TRPM1: variants seen among roughly 807,000 people sequenced by gnomAD.
TRPM1 encodes transient receptor potential cation channel subfamily M member 1.
TRPM1 carries 113 observed loss-of-function variants against 149.4 expected under a neutral mutation model. The ratio of observed to expected loss-of-function variants is 0.76; its 90% CI spans 0.65 to 0.88. The LOEUF (loss-of-function observed/expected upper bound fraction) is 0.88, where lower values mean the gene tolerates loss of function less well. Among genes scored for constraint, TRPM1 ranks in the 40% least tolerant of loss-of-function variants. The probability of loss-of-function intolerance (pLI) is 0.00; values close to 1 mark genes in which losing one functional copy is unlikely to be tolerated. For missense variants in TRPM1, 1,976 were observed against 2,038.7 expected (o/e 0.97, Z 0.59); for synonymous variants, 741 against 759.5 (o/e 0.98, Z 0.40).
chr15:31,102,961 G>A (rs2035545164), upstream of TRPM1, among the ~76,000 whole-genome samples: 3 of 152,166 alleles, frequency 2.0e-5, no homozygotes, highest in African/African-American at 7.2e-5. Context: ...GAACCCTTCC[G>A]GGGGCTGAGG....
intron 1 of TRPM1, among the ~76,000 whole-genome samples, chr15:31,126,131 C>G (rs2035949061): frequency 6.6e-6 from 1 of 151,812 alleles, no homozygotes; most frequent in Non-Finnish European, 1.5e-5. Context: ...AACTTCGTCT[C>G]AAAAAACAAA....
Position 31,002,701 on chromosome 15 carries a change from G to A in TRPM1, c.3999C>T (p.Asp1333=), listed in dbSNP as rs377308236. 3.1e-6 allele frequency: 5 copies of A among 1,614,130 alleles called. No individual in the cohort carries two copies. The African/African-American group carries it at 5.3e-5, about 17-fold the overall frequency. Residue 1333 remains aspartate (D), a synonymous_variant, in exon 28 of 28, where the codon GAC becomes GAT. Coordinates refer to ENST00000256552, the MANE Select transcript of TRPM1 (RefSeq NM_001252024.2). ...ATTCTGGGACTAGGTGCGTTTTCAC[G>A]TCCTTCTCTTCCTTTATACGGAAGG... ...TCSFRIKEEK[D]VKTHLVPECQ... is the part of the protein sequence containing the mutation.
intron 27 of TRPM1, among the ~76,000 whole-genome samples, chr15:31,003,568 A>G (rs1476683545): frequency 6.6e-6 from 1 of 152,224 alleles, no homozygotes; most frequent in Non-Finnish European, 1.5e-5. Flanking sequence ...TAGTAATAAC[A>G]GAAGCTACTA....
intron 1 of TRPM1, among the ~76,000 whole-genome samples, chr15:31,139,345 AC>A (rs1158385662): frequency 6.6e-6 from 1 of 152,208 alleles, no homozygotes; most frequent in African/African-American, 2.4e-5. Flanking sequence ...TGCCTAGATA[AC>A]AACTGTTTAG....
At chr15:31,018,878 A>T (rs1016517728) in intron 27 of TRPM1, among the ~76,000 whole-genome samples, 1 of 151,900 alleles carries the variant, frequency 6.6e-6, no homozygotes, top group Admixed American at 6.6e-5. Flanking sequence ...CTGATCTCGA[A>T]CTCCTGGCCC....
intron 1 of TRPM1, among the ~76,000 whole-genome samples, chr15:31,150,179 T>A (rs895526962): frequency 2.0e-5 from 3 of 152,218 alleles, no homozygotes; most frequent in Non-Finnish European, 4.4e-5. Flanking sequence ...AAGGGTTTCT[T>A]CTATAGGTGA....
chr15:31,061,398 G>C (rs1380420394), intron 10 of TRPM1, 44 bp downstream of exon 10: 1 of 1,588,796 alleles, frequency 6.3e-7, no homozygotes, highest in East Asian at 2.2e-5. Context: ...TGCCGGCTAG[G>C]CCAACATCAG....
chr15:31,136,866 G>A (rs1484135625), intron 1 of TRPM1, among the ~76,000 whole-genome samples: 1 of 151,320 alleles, frequency 6.6e-6, no homozygotes, highest in Non-Finnish European at 1.5e-5. Flanking sequence ...AGCCAACTGA[G>A]GTATTTAAAC....
chr15:31,030,459 G>A (rs2033014819), intron 23 of TRPM1, among the ~76,000 whole-genome samples: 1 of 152,184 alleles, frequency 6.6e-6, no homozygotes. Context: ...CCAGAAATCT[G>A]TGCAGGATCA....
intron 26 of TRPM1, 180 bp from the exon 27 acceptor site, chr15:31,026,451 A>G: frequency 1.3e-6 from 1 of 775,608 alleles, no homozygotes; most frequent in Non-Finnish European, 2.1e-6. Flanking sequence ...CCAACCCTCT[A>G]TCAGTTGGAG....
chr15:31,027,589 C>T (rs1426022578), intron 25 of TRPM1, among the ~76,000 whole-genome samples: 7 of 152,134 alleles, frequency 4.6e-5, no homozygotes, highest in Non-Finnish European at 8.8e-5. Flanking sequence ...TAGCTTCCAA[C>T]AGGAAGCAGT....
intron 27 of TRPM1, among the ~76,000 whole-genome samples, chr15:31,024,889 G>A (rs1040653355): frequency 6.6e-6 from 1 of 152,186 alleles, no homozygotes; most frequent in Non-Finnish European, 1.5e-5. Flanking sequence ...TGGTAAGGAA[G>A]AAAGGTGGTG....
intron 1 of TRPM1, among the ~76,000 whole-genome samples, chr15:31,146,449 C>T (rs1354520662): frequency 6.6e-6 from 1 of 152,206 alleles, no homozygotes; most frequent in Non-Finnish European, 1.5e-5. Context: ...AAAATGGAGT[C>T]ACCCATGTTA....
intron 1 of TRPM1, among the ~76,000 whole-genome samples, chr15:31,116,906 T>C (rs1021698131): frequency 2.6e-5 from 4 of 152,232 alleles, no homozygotes; most frequent in Non-Finnish European, 2.9e-5. Flanking sequence ...CAATGCATCA[T>C]GTCTGGCTTT....
intron 1 of TRPM1, among the ~76,000 whole-genome samples, chr15:31,087,693 G>C (rs1339405765): frequency 6.6e-6 from 1 of 152,162 alleles, no homozygotes; most frequent in South Asian, 2.1e-4. Flanking sequence ...GATTCAGCAG[G>C]AAGGGCATTC....
intron 16 of TRPM1, among the ~76,000 whole-genome samples, chr15:31,044,315 A>G (rs2033703647): frequency 6.6e-6 from 1 of 152,250 alleles, no homozygotes; most frequent in Non-Finnish European, 1.5e-5. Flanking sequence ...AGCACGAACA[A>G]TGCAATAACA....
intron 1 of TRPM1, among the ~76,000 whole-genome samples, chr15:31,088,789 A>C (rs1416441974): frequency 1.6e-5 from 2 of 125,618 alleles, no homozygotes; most frequent in Admixed American, 1.6e-4. Context: ...AAACACCTGA[A>C]CGTTCTTTCT....
At chr15:31,105,060 G>A (rs1329926802), upstream of TRPM1, among the ~76,000 whole-genome samples, 1 of 152,182 alleles carries the variant, frequency 6.6e-6, no homozygotes, top group African/African-American at 2.4e-5. Flanking sequence ...TGCTTCCTTG[G>A]CCTCATTCCA....
chr15:31,081,643 C>A (rs1011921946), intron 1 of TRPM1, among the ~76,000 whole-genome samples: 2 of 152,138 alleles, frequency 1.3e-5, no homozygotes, highest in Non-Finnish European at 2.9e-5. Context: ...CTGTCCCCTC[C>A]TCCCCAACCT....
Sources: allele counts gnomAD v4.1 joint callset (sites outside exome capture counted in the v4.1 genomes callset), GRCh38; gene constraint gnomAD v4.1.1; transcripts MANE v1.5; gene names NCBI Gene and HGNC (gene_info 2026-07-23, HGNC 2026-07-21).